The following PRKD1 variants were observed in gnomAD, a reference collection of about 807,000 sequenced individuals.
PRKD1 encodes the protein protein kinase D1, also known as serine/threonine-protein kinase D1.
PRKD1 carries 63 observed loss-of-function variants against 95.9 expected under a neutral mutation model. The ratio of observed to expected loss-of-function variants is 0.66; its 90% CI spans 0.54 to 0.81. PRKD1 has a LOEUF of 0.81. PRKD1 is among the 30% of genes least tolerant of loss of function. PRKD1 has a pLI of 0.00. For synonymous variants in PRKD1, 425 were observed against 423.1 expected, an observed-to-expected ratio of 1.00 and a Z score of -0.05; for missense variants, 1,048 against 1,165.3, an observed-to-expected ratio of 0.90 and a Z score of 1.47.
intron 2 of PRKD1, among the ~76,000 whole-genome samples, chr14:29,695,659 C>T (rs1430299148): frequency 6.6e-6 from 1 of 152,186 alleles, no homozygotes; most frequent in African/African-American, 2.4e-5. Flanking sequence ...CTTTGCAAAG[C>T]TTCCTAGACA....
At chr14:29,751,527 A>G (rs1157478029) in intron 1 of PRKD1, among the ~76,000 whole-genome samples, 1 of 152,234 alleles carries the variant, frequency 6.6e-6, no homozygotes, top group Non-Finnish European at 1.5e-5. Flanking sequence ...AGAGATACCA[A>G]CCTTGCAACT....
intron 13 of PRKD1, among the ~76,000 whole-genome samples, chr14:29,618,553 G>C (rs1879027512): frequency 1.3e-5 from 2 of 152,134 alleles, no homozygotes; most frequent in Non-Finnish European, 2.9e-5. Flanking sequence ...AGCACACCTG[G>C]CCAATATCTA....
chr14:29,832,140 T>C (rs1441908179), intron 1 of PRKD1, among the ~76,000 whole-genome samples: 1 of 152,158 alleles, frequency 6.6e-6, no homozygotes, highest in East Asian at 1.9e-4. Context: ...GATACGGCCA[T>C]ATACTTTTCC....
chr14:29,738,447 T>C (rs1886829225), intron 1 of PRKD1, among the ~76,000 whole-genome samples: 1 of 152,248 alleles, frequency 6.6e-6, no homozygotes, highest in Admixed American at 6.5e-5. Flanking sequence ...AGGGCTTTGC[T>C]ATCTCTCCTA....
At chr14:29,640,872 A>G (rs1880713548) in intron 4 of PRKD1, among the ~76,000 whole-genome samples, 1 of 152,222 alleles carries the variant, frequency 6.6e-6, no homozygotes, top group East Asian at 1.9e-4. Context: ...TTAATTTAAG[A>G]TACCTAATTG....
In PRKD1 at chr14:29,872,937, AC is replaced by A. The variant is rs538496258; in HGVS notation, c.264+54311del. Reference sequence around the variant, plus strand: ...TTCTTGAAAATGCCAAAACATCAGCACAAACAACTTCTAGGATAAACTATCA... The same window carrying A: ...TTCTTGAAAATGCCAAAACATCAGCAAAACAACTTCTAGGATAAACTATCA... On this transcript the variant is annotated intron_variant, in intron 1 of 17. Coordinates refer to ENST00000331968, the MANE Select transcript of PRKD1 (RefSeq NM_002742.3). 2.3e-3 allele frequency among the ~76,000 whole-genome samples: 347 copies of A among 152,292 alleles called. 2 individuals are homozygous for A. Among genetic ancestry groups the A allele is most frequent in the African/African-American group, 8.0e-3 (333 of 41,584 alleles).
Position 29,750,638 on chromosome 14 carries a change from T to A in PRKD1, c.265-24964A>T, listed in dbSNP as rs11849799. Among the ~76,000 whole-genome samples the A allele has an allele frequency of 2.3e-4, 29 of 127,588 alleles. No individual in the cohort carries two copies. The East Asian group carries it at 5.4e-3, about 24-fold the overall frequency. 83.7% of individuals were successfully genotyped at this position (127,588 alleles called of 152,430 possible). ...CGCGCACACACACACACACACACAC[T>A]CACACTCACTCAGACTGGGGCCATG... On this transcript the variant is annotated intron_variant, in intron 1 of 17. Coordinates refer to ENST00000331968, the MANE Select transcript of PRKD1 (RefSeq NM_002742.3).
chr14:29,811,461 A>G (rs1235693608), intron 1 of PRKD1, among the ~76,000 whole-genome samples: 1 of 152,194 alleles, frequency 6.6e-6, no homozygotes, highest in Non-Finnish European at 1.5e-5. Context: ...CCCCAGAAGC[A>G]CTACAGTCCC....
intron 2 of PRKD1, among the ~76,000 whole-genome samples, chr14:29,704,697 T>G (rs1884994323): frequency 6.6e-6 from 1 of 152,156 alleles, no homozygotes; most frequent in African/African-American, 2.4e-5. Flanking sequence ...TTTGTTTTGT[T>G]TTGTTTGAGA....
At chr14:29,920,716 A>G (rs1402613627) in intron 1 of PRKD1, among the ~76,000 whole-genome samples, 1 of 152,148 alleles carries the variant, frequency 6.6e-6, no homozygotes, top group Non-Finnish European at 1.5e-5. Flanking sequence ...ATAATGGGGC[A>G]TGGACTTCCA....
At chr14:29,580,553 T>C (rs925844826) in intron 16 of PRKD1, among the ~76,000 whole-genome samples, 13 of 152,168 alleles carry the variant, frequency 8.5e-5, no homozygotes, top group African/African-American at 3.1e-4. Context: ...TATAGCTAAA[T>C]GTTGGGACCA....
chr14:29,667,997 AT>A (rs1443263418), intron 2 of PRKD1, among the ~76,000 whole-genome samples: 53 of 151,124 alleles, frequency 3.5e-4, no homozygotes, highest in African/African-American at 1.3e-3. Context: ...CCCTTGACTT[AT>A]GTTTAAATGC....
intron 1 of PRKD1, among the ~76,000 whole-genome samples, chr14:29,793,946 A>C (rs1037841443): frequency 6.6e-6 from 1 of 152,060 alleles, no homozygotes; most frequent in Non-Finnish European, 1.5e-5. Context: ...ATTTACTAAG[A>C]TCCAATGTTT....
intron 1 of PRKD1, chr14:29,811,848 C>CA (rs1890497646): frequency 6.6e-6 from 1 of 152,138 alleles, no homozygotes; most frequent in South Asian, 2.1e-4. Context: ...CAGAGCATAA[C>CA]ACCCCAAACA....
Position 29,576,988 on chromosome 14 carries a change from C to T in PRKD1, c.*250G>A, listed in dbSNP as rs1337221461. The T allele has an allele frequency of 3.8e-6, 2 of 529,158 alleles. No individual in the cohort carries two copies. The highest frequency in any genetic ancestry group is 6.8e-6 in the Non-Finnish European group (2 of 292,816). The allele number at this position is 529,158 out of a possible 1,614,324, so 32.8% of individuals were successfully genotyped here. A position where few individuals can be genotyped will look rare whatever the true frequency, so the allele number is the denominator to read the frequency against. Reference sequence around the variant, plus strand: ...GACAGGTTTAATGCATTAAATATAACATGAATCATTCACAATAACAAGTTT... The same window carrying T: ...GACAGGTTTAATGCATTAAATATAATATGAATCATTCACAATAACAAGTTT... On this transcript the variant is annotated 3_prime_UTR_variant, in exon 18 of 18. Coordinates refer to ENST00000331968, the MANE Select transcript of PRKD1 (RefSeq NM_002742.3).
intron 1 of PRKD1, among the ~76,000 whole-genome samples, chr14:29,746,713 C>G (rs918935985): frequency 2.0e-5 from 3 of 152,108 alleles, no homozygotes; most frequent in Non-Finnish European, 4.4e-5. Flanking sequence ...TTCATCATCC[C>G]TTCCCAATTC....
intron 1 of PRKD1, among the ~76,000 whole-genome samples, chr14:29,889,700 G>C (rs368068895): frequency 6.6e-6 from 1 of 152,136 alleles, no homozygotes; most frequent in South Asian, 2.1e-4. Context: ...GAGAACACAT[G>C]AACACAGGGA....
intron 1 of PRKD1, among the ~76,000 whole-genome samples, chr14:29,727,698 T>C (rs1412816585): frequency 5.3e-5 from 8 of 152,050 alleles, no homozygotes; most frequent in Non-Finnish European, 1.5e-5. Context: ...AAAGATCAGA[T>C]AGTTGTAGGT....
chr14:29,904,702 G>T (rs115236238), intron 1 of PRKD1, among the ~76,000 whole-genome samples: 250 of 152,264 alleles, frequency 1.6e-3, no homozygotes, highest in African/African-American at 5.7e-3. Flanking sequence ...TTCTGATGGA[G>T]CTTAAATAAT....
Sources: allele counts gnomAD v4.1 joint callset (sites outside exome capture counted in the v4.1 genomes callset), GRCh38; gene constraint gnomAD v4.1.1; transcripts MANE v1.5; gene names NCBI Gene and HGNC (gene_info 2026-07-23, HGNC 2026-07-21).